The following NOX4 variants were observed in gnomAD, a reference collection of about 807,000 sequenced individuals.
NOX4 encodes kidney oxidase-1.
Under a neutral mutation model 87.6 loss-of-function variants are expected in NOX4, and 69 were observed. The observed-to-expected ratio is 0.79, with a 90% CI of 0.65 to 0.96. The LOEUF (loss-of-function observed/expected upper bound fraction) is 0.96. NOX4 is among the 40% of genes least tolerant of loss of function. The pLI is 0.00. For missense variants in NOX4, 680 were observed against 681.5 expected, an observed-to-expected ratio of 1.00 and a Z score of 0.02; for synonymous variants, 275 against 238.2, an observed-to-expected ratio of 1.15 and a Z score of -1.42.
chr11:89,551,387 T>C, the NOX4 span, among the ~76,000 whole-genome samples: 2 of 152,204 alleles, frequency 1.3e-5, no homozygotes, highest in East Asian at 3.9e-4. Context: ...ATAAATTACT[T>C]TGGGCAGTAT....
intron 9 of NOX4, among the ~76,000 whole-genome samples, chr11:89,401,069 C>T (rs1941824055): frequency 6.6e-6 from 1 of 152,116 alleles, no homozygotes; most frequent in Admixed American, 6.6e-5. Flanking sequence ...GCTTACTGTT[C>T]TCCTAAAATT....
chr11:89,492,293 G>C (rs1946878656), upstream of NOX4: 1 of 152,086 alleles, frequency 6.6e-6, no homozygotes, highest in African/African-American at 2.4e-5. Context: ...ATGCAAAATA[G>C]ATATCCAATA....
At chr11:89,560,132 C>G in the NOX4 span, among the ~76,000 whole-genome samples, 2 of 152,104 alleles carry the variant, frequency 1.3e-5, no homozygotes, top group African/African-American at 2.4e-5. Flanking sequence ...CACACACACA[C>G]ACGTACATAA....
chr11:89,567,224 T>A, the NOX4 span, among the ~76,000 whole-genome samples: 1 of 152,144 alleles, frequency 6.6e-6, no homozygotes, highest in Non-Finnish European at 1.5e-5. Context: ...AACAGAGGCA[T>A]TTTGCAGCAG....
chr11:89,409,623 G>A (rs1467428200), intron 8 of NOX4, among the ~76,000 whole-genome samples: 1 of 152,010 alleles, frequency 6.6e-6, no homozygotes. Flanking sequence ...TAAGATCTTA[G>A]TCCATAATTA....
the NOX4 span, among the ~76,000 whole-genome samples, chr11:89,560,961 C>CATCTCTCTCTCTCTCT: frequency 3.2e-4 from 17 of 52,542 alleles, 3 homozygotes; most frequent in South Asian, 1.8e-3. Context: ...CATCTCATCT[C>CATCTCTCTCTCTCTCT]GTCTCTCTCT....
At chr11:89,465,812 C>T (rs946229141) in intron 2 of NOX4, among the ~76,000 whole-genome samples, 1 of 149,522 alleles carries the variant, frequency 6.7e-6, no homozygotes, top group African/African-American at 2.6e-5. Flanking sequence ...CCTTTGCTCA[C>T]TTTATGATGG....
the NOX4 span, among the ~76,000 whole-genome samples, chr11:89,506,325 A>T: frequency 6.6e-6 from 1 of 151,138 alleles, no homozygotes; most frequent in African/African-American, 2.4e-5. Context: ...AAGAAAGAGA[A>T]AAAAGGAAAG....
chr11:89,489,203 T>G (rs1946747397), intron 2 of NOX4, among the ~76,000 whole-genome samples: 1 of 152,188 alleles, frequency 6.6e-6, no homozygotes, highest in Non-Finnish European at 1.5e-5. Context: ...GTCTGGGTAC[T>G]GAGAATTACA....
At chr11:89,462,033 A>T (rs1284287120) in intron 2 of NOX4, among the ~76,000 whole-genome samples, 1 of 152,056 alleles carries the variant, frequency 6.6e-6, no homozygotes, top group Non-Finnish European at 1.5e-5. Flanking sequence ...GAAGCAAGGG[A>T]GGGTAAGAAG....
At chr11:89,541,234 T>A in the NOX4 span, among the ~76,000 whole-genome samples, 135 of 152,340 alleles carry the variant, frequency 8.9e-4, no homozygotes, top group Non-Finnish European at 1.4e-3. Flanking sequence ...TGCCTGGAAT[T>A]GTCTATAGCT....
intron 11 of NOX4, among the ~76,000 whole-genome samples, chr11:89,379,748 AATCCATGGAATACAT>A (rs2135089057): frequency 6.6e-6 from 1 of 152,254 alleles, no homozygotes; most frequent in East Asian, 1.9e-4. Flanking sequence ...CATTATATAC[AATCCATGGAATACAT>A]TTTGTTAACT....
At chr11:89,483,276 A>C (rs1946467572) in intron 2 of NOX4, among the ~76,000 whole-genome samples, 1 of 152,094 alleles carries the variant, frequency 6.6e-6, no homozygotes, top group African/African-American at 2.4e-5. Context: ...TTTCTGATCT[A>C]CCAATCTATA....
At chr11:89,506,872 C>T in the NOX4 span, among the ~76,000 whole-genome samples, 1 of 151,820 alleles carries the variant, frequency 6.6e-6, no homozygotes, top group African/African-American at 2.4e-5. Context: ...AATGTGATAG[C>T]ACTACATACC....
chr11:89,588,531 T>G, the NOX4 span, among the ~76,000 whole-genome samples: 1 of 152,202 alleles, frequency 6.6e-6, no homozygotes. Context: ...AATGAGAACT[T>G]GCTTCTTCAG....
the NOX4 span, among the ~76,000 whole-genome samples, chr11:89,550,479 G>T: frequency 6.6e-6 from 1 of 151,686 alleles, no homozygotes; most frequent in Non-Finnish European, 1.5e-5. Flanking sequence ...AGCCATAATG[G>T]TACCTATTCT....
At chr11:89,333,248 G>T (rs923387264) in intron 17 of NOX4, among the ~76,000 whole-genome samples, 2 of 151,696 alleles carry the variant, frequency 1.3e-5, no homozygotes, top group Non-Finnish European at 3.0e-5. Flanking sequence ...TCATTAAAAA[G>T]TTAGCTCGTT....
the NOX4 span, among the ~76,000 whole-genome samples, chr11:89,543,850 A>G: frequency 6.6e-6 from 1 of 152,130 alleles, no homozygotes; most frequent in African/African-American, 2.4e-5. Context: ...AATTTGATAG[A>G]TCAAGAAATA....
intron 8 of NOX4, among the ~76,000 whole-genome samples, chr11:89,414,268 A>G (rs2135236854): frequency 6.6e-6 from 1 of 152,138 alleles, no homozygotes; most frequent in South Asian, 2.1e-4. Context: ...GGGTTCGTTT[A>G]TGTATTTACT....
Sources: gnomAD v4.1 joint callset for allele counts (sites outside exome capture counted in the v4.1 genomes callset) on GRCh38, gnomAD v4.1.1 for gene constraint, MANE v1.5 for transcripts, NCBI Gene and HGNC (gene_info 2026-07-23, HGNC 2026-07-21) for gene names.